Variants in LMBRD1 observed in about 807,000 individuals in gnomAD.
LMBRD1 encodes the protein LMBR1 domain containing 1.
A neutral mutation model predicts 74.8 loss-of-function variants in LMBRD1; 64 were observed. That is an observed-to-expected ratio of 0.86 (90% CI 0.70 to 1.05). The LOEUF is 1.05. LMBRD1 is among the 50% of genes least tolerant of loss of function. The pLI, the probability that LMBRD1 is intolerant of heterozygous loss-of-function variation, is 0.00. For synonymous variants in LMBRD1, 204 were observed against 216.3 expected (o/e 0.94, Z 0.50); for missense variants, 652 against 645.9 (o/e 1.01, Z -0.10).
At chr6:69,739,920 A>T (rs372224819) in intron 6 of LMBRD1, among the ~76,000 whole-genome samples, 1 of 152,202 alleles carries the variant, frequency 6.6e-6, no homozygotes, top group South Asian at 2.1e-4. Context: ...AGCCTGGCCA[A>T]TATGTTGAAA....
intron 1 of LMBRD1, among the ~76,000 whole-genome samples, chr6:69,794,231 G>GA (rs1210147941): frequency 3.3e-5 from 5 of 152,210 alleles, no homozygotes; most frequent in Non-Finnish European, 5.9e-5. Flanking sequence ...GCATTAGCGT[G>GA]AATCAAGACA....
chr6:69,728,630 T>C (rs150967224), intron 7 of LMBRD1, among the ~76,000 whole-genome samples: 10 of 152,302 alleles, frequency 6.6e-5, no homozygotes, highest in African/African-American at 2.2e-4. Context: ...ATGGCCCTTA[T>C]TTACAGTCTA....
intron 3 of LMBRD1, among the ~76,000 whole-genome samples, chr6:69,759,371 G>GA (rs768387091): frequency 2.6e-5 from 4 of 151,840 alleles, no homozygotes; most frequent in African/African-American, 7.2e-5. Flanking sequence ...ATAAGACAAA[G>GA]AAAAATTACA....
At chr6:69,720,601 T>C (rs1337488464) in intron 7 of LMBRD1, among the ~76,000 whole-genome samples, 3 of 152,280 alleles carry the variant, frequency 2.0e-5, no homozygotes, top group East Asian at 1.9e-4. Flanking sequence ...TTTTGGACTT[T>C]TGGTATATTT....
At chr6:69,787,582 T>A (rs1308872585) in intron 2 of LMBRD1, among the ~76,000 whole-genome samples, 1 of 151,980 alleles carries the variant, frequency 6.6e-6, no homozygotes, top group Non-Finnish European at 1.5e-5. Flanking sequence ...CCATCTCTAC[T>A]AAAAATACAA....
intron 3 of LMBRD1, among the ~76,000 whole-genome samples, chr6:69,777,649 T>C (rs1765733212): frequency 6.7e-6 from 1 of 149,460 alleles, no homozygotes. Context: ...TCTCTCCACA[T>C]CAATATCTTC....
chr6:69,741,666 G>A, intron 6 of LMBRD1, 123 bp downstream of exon 6: 1 of 628,010 alleles, frequency 1.6e-6, no homozygotes, highest in Non-Finnish European at 2.9e-6. Flanking sequence ...TAGGATTACA[G>A]GCATGAGCCA....
intron 7 of LMBRD1, among the ~76,000 whole-genome samples, chr6:69,727,108 G>A (rs756340365): frequency 1.3e-5 from 2 of 152,130 alleles, no homozygotes; most frequent in Non-Finnish European, 2.9e-5. Context: ...GCAGGGAGTT[G>A]AGATCGCGCC....
chr6:69,680,731 A>C (rs998914918), intron 14 of LMBRD1, among the ~76,000 whole-genome samples: 4 of 152,142 alleles, frequency 2.6e-5, no homozygotes, highest in African/African-American at 9.7e-5. Context: ...ATCTTTATAC[A>C]TATATATCAT....
intron 13 of LMBRD1, among the ~76,000 whole-genome samples, chr6:69,698,573 C>T (rs1766056620): frequency 6.6e-6 from 1 of 152,032 alleles, no homozygotes; most frequent in East Asian, 1.9e-4. Context: ...GAGATCACCA[C>T]CACCAATAAA....
intron 4 of LMBRD1, among the ~76,000 whole-genome samples, chr6:69,751,390 G>T (rs191221744): frequency 2.6e-5 from 4 of 151,746 alleles, no homozygotes; most frequent in African/African-American, 9.7e-5. Flanking sequence ...GCAGTGGAGT[G>T]ATCTCGGCTC....
intron 14 of LMBRD1, among the ~76,000 whole-genome samples, chr6:69,683,394 G>A (rs940805669): frequency 2.0e-5 from 3 of 151,910 alleles, no homozygotes; most frequent in African/African-American, 7.3e-5. Flanking sequence ...TTATTTAATA[G>A]TTAAACTTTC....
intron 14 of LMBRD1, among the ~76,000 whole-genome samples, chr6:69,683,224 A>T (rs1765698887): frequency 6.6e-6 from 1 of 151,972 alleles, no homozygotes; most frequent in African/African-American, 2.4e-5. Context: ...TTGACAATAG[A>T]CATAATACAT....
At chr6:69,757,441 A>G (rs1349673078) in intron 3 of LMBRD1, among the ~76,000 whole-genome samples, 2 of 152,226 alleles carry the variant, frequency 1.3e-5, no homozygotes, top group Admixed American at 6.5e-5. Context: ...ATGATTCAAA[A>G]TAGGTTTAAA....
chr6:69,697,612 G>T lies in LMBRD1; in HGVS notation c.1368C>A (p.Gly456=). The T allele has an allele frequency of 6.2e-7, 1 of 1,602,260 alleles. No individual in the cohort carries two copies. Among genetic ancestry groups the T allele is most frequent in the Non-Finnish European group, 8.5e-7 (1 of 1,170,182 alleles). Residue 456 remains glycine, a synonymous_variant, in exon 14 of 16, where the codon GGC becomes GGA. Coordinates refer to ENST00000649934, the MANE Select transcript of LMBRD1 (RefSeq NM_018368.4). ...TCTTTGGCACAGAAAGGGTTGAATT[G>T]CCTTTATGATTATCAGAAGTTATAT... ...ETNITSDNHK[G]NSTLSVPKRC... is the part of the protein sequence containing the mutation.
chr6:69,767,128 TA>T (rs1339587657), intron 3 of LMBRD1, among the ~76,000 whole-genome samples: 5 of 151,832 alleles, frequency 3.3e-5, no homozygotes, highest in Non-Finnish European at 5.9e-5. Flanking sequence ...TAAGTCTGGC[TA>T]AAGATTTGCT....
chr6:69,705,085 C>T (rs919137206), intron 9 of LMBRD1, among the ~76,000 whole-genome samples: 1 of 151,992 alleles, frequency 6.6e-6, no homozygotes, highest in African/African-American at 2.4e-5. Flanking sequence ...ATACTTAAGA[C>T]CAAGCAAAGG....
In LMBRD1 at chr6:69,719,301, G is replaced by C. The variant is rs1445837661; in HGVS notation, c.637-220C>G. ...AAATTTATAATACTATTCCTCAAAG[G>C]TTAAGTTGCAAATTTACTGTAAATT... On this transcript the variant is annotated intron_variant, in intron 7 of 15. Transcript: ENST00000649934. 2.0e-5 allele frequency among the ~76,000 whole-genome samples: 3 copies of C among 151,798 alleles called. No homozygotes were observed. In the South Asian group the frequency reaches 6.2e-4, roughly 32 times the overall value.
intron 9 of LMBRD1, chr6:69,705,682 C>T: frequency 1.1e-6 from 1 of 900,874 alleles, no homozygotes; most frequent in Non-Finnish European, 1.8e-6. Flanking sequence ...TCATCTTCAT[C>T]AGTAGCAAGT....
Sources: gnomAD v4.1 joint callset for allele counts (sites outside exome capture counted in the v4.1 genomes callset) on GRCh38, gnomAD v4.1.1 for gene constraint, MANE v1.5 for transcripts, NCBI Gene and HGNC (gene_info 2026-07-23, HGNC 2026-07-21) for gene names.